NALF1: variants seen among roughly 807,000 people sequenced by gnomAD.
NALF1 encodes the protein family with sequence similarity 155 member A.
A neutral mutation model predicts 48.4 loss-of-function variants in NALF1; 3 were observed. The observed-to-expected ratio is 0.06, with a 90% CI of 0.03 to 0.16. NALF1 has a LOEUF of 0.16. Ranked by LOEUF, NALF1 falls within the 10% of genes least tolerant of loss-of-function variation. The pLI, the probability that NALF1 is intolerant of heterozygous loss-of-function variation, is 1.00. For synonymous variants in NALF1, 262 were observed against 245.7 expected, an observed-to-expected ratio of 1.07 and a Z score of -0.62; for missense variants, 526 against 571.5, an observed-to-expected ratio of 0.92 and a Z score of 0.81.
chr13:107,589,768 C>T (rs1470459239), intron 1 of NALF1, among the ~76,000 whole-genome samples: 1 of 151,840 alleles, frequency 6.6e-6, no homozygotes, highest in Non-Finnish European at 1.5e-5. Context: ...ATCTAGTAAA[C>T]TTGTATCTTC....
At chr13:107,580,396 A>G (rs1878271097) in intron 1 of NALF1, among the ~76,000 whole-genome samples, 1 of 152,096 alleles carries the variant, frequency 6.6e-6, no homozygotes, top group Admixed American at 6.5e-5. Context: ...TCATGCCTGG[A>G]AAGCTCTGCC....
intron 1 of NALF1, among the ~76,000 whole-genome samples, chr13:107,739,393 A>G (rs1257163567): frequency 6.7e-6 from 1 of 148,230 alleles, no homozygotes; most frequent in Non-Finnish European, 1.5e-5. Flanking sequence ...AAAATATTAC[A>G]TATTACATAT....
chr13:107,622,307 G>A (rs763674021), intron 1 of NALF1, among the ~76,000 whole-genome samples: 4 of 151,584 alleles, frequency 2.6e-5, no homozygotes, highest in Admixed American at 6.6e-5. Flanking sequence ...GCATAGTGGC[G>A]CATGTCTGTA....
intron 1 of NALF1, among the ~76,000 whole-genome samples, chr13:107,661,524 G>T (rs1880734581): frequency 6.6e-6 from 1 of 151,680 alleles, no homozygotes; most frequent in African/African-American, 2.4e-5. Context: ...TAGTAGCACA[G>T]GTAACTAAAT....
intron 1 of NALF1, among the ~76,000 whole-genome samples, chr13:107,839,823 T>TA (rs1465790255): frequency 6.6e-6 from 1 of 152,216 alleles, no homozygotes; most frequent in African/African-American, 2.4e-5. Context: ...GTATGGAACT[T>TA]AGACTACTCT....
rs9587444 is a variant in NALF1, at chr13:107,835,298, T to C, written c.915+30384A>G. ...TTAAAAAGCCTTACAATGTGTGTAC[T>C]GTCCTCCATATCTCCCCTTCCCCAA... On this transcript the variant is annotated intron_variant, in intron 1 of 2. Coordinates refer to ENST00000375915, the MANE Select transcript of NALF1 (RefSeq NM_001080396.3). The C allele has an allele frequency of 1.7e-3, 258 of 152,338 alleles. 1 individual carries two copies. Among genetic ancestry groups the C allele is most frequent in the African/African-American group, 5.8e-3 (243 of 41,582 alleles). The allele number at this position is 152,338 out of a possible 1,614,324, so 9.4% of individuals were successfully genotyped here. A position where few individuals can be genotyped will look rare whatever the true frequency, so the allele number is the denominator to read the frequency against.
At chr13:107,790,921 G>A (rs1002598500) in intron 1 of NALF1, among the ~76,000 whole-genome samples, 42 of 144,732 alleles carry the variant, frequency 2.9e-4, no homozygotes, top group Middle Eastern at 3.6e-3. Flanking sequence ...AGAGCTTACA[G>A]CACCATTAGG....
intron 1 of NALF1, among the ~76,000 whole-genome samples, chr13:107,479,167 C>T (rs1885216293): frequency 6.6e-6 from 1 of 152,116 alleles, no homozygotes; most frequent in Non-Finnish European, 1.5e-5. Context: ...ATGTTCTGAT[C>T]CCACTGTCCT....
At chr13:107,604,499 A>G (rs1879012287) in intron 1 of NALF1, among the ~76,000 whole-genome samples, 1 of 152,216 alleles carries the variant, frequency 6.6e-6, no homozygotes, top group Non-Finnish European at 1.5e-5. Flanking sequence ...TCTGAACAAA[A>G]CATTGCTGAT....
At chr13:107,589,640 AAGTT>A (rs1878550502) in intron 1 of NALF1, among the ~76,000 whole-genome samples, 1 of 152,090 alleles carries the variant, frequency 6.6e-6, no homozygotes, top group Non-Finnish European at 1.5e-5. Flanking sequence ...GTTTTCATAA[AAGTT>A]AACATAAATT....
At chr13:107,781,348 A>T (rs1877881297) in intron 1 of NALF1, among the ~76,000 whole-genome samples, 1 of 152,178 alleles carries the variant, frequency 6.6e-6, no homozygotes, top group Non-Finnish European at 1.5e-5. Context: ...CATAAACCTT[A>T]AGAGATTTAA....
At chr13:107,328,599 T>C (rs1021662537) in intron 1 of NALF1, among the ~76,000 whole-genome samples, 1 of 152,294 alleles carries the variant, frequency 6.6e-6, no homozygotes, top group Non-Finnish European at 1.5e-5. Flanking sequence ...TCTATTGAGA[T>C]ACAGTGTTTT....
intron 1 of NALF1, among the ~76,000 whole-genome samples, chr13:107,408,476 T>G (rs1883936915): frequency 6.6e-6 from 1 of 152,084 alleles, no homozygotes; most frequent in African/African-American, 2.4e-5. Context: ...TGTTTTGCCA[T>G]TAGAAGATAT....
At position 107,301,997 on chromosome 13, in the gene NALF1, A is replaced by G. The variant is rs147357192; in HGVS notation, c.916-91242T>C. The stretch of plus-strand genomic sequence containing the variant: ...ACTCATTCCCTAATGAGGCAGTATT[A>G]GAGGAGAAGCCTTTAAGAGGTAATT... On this transcript the variant is annotated intron_variant, in intron 1 of 2. Transcript: ENST00000375915. Among the ~76,000 whole-genome samples, 16 of 152,352 alleles carry G rather than the reference A, an allele frequency of 1.1e-4. No homozygotes were observed. In the East Asian group the frequency reaches 2.9e-3, roughly 28 times the overall value.
At chr13:107,708,423 A>G (rs1385487238) in intron 1 of NALF1, among the ~76,000 whole-genome samples, 1 of 152,200 alleles carries the variant, frequency 6.6e-6, no homozygotes, top group African/African-American at 2.4e-5. Flanking sequence ...AAGGTGCTAA[A>G]AGGAAGGGGA....
intron 1 of NALF1, among the ~76,000 whole-genome samples, chr13:107,425,980 C>T (rs1230460119): frequency 6.6e-6 from 1 of 152,048 alleles, no homozygotes; most frequent in Non-Finnish European, 1.5e-5. Context: ...TATTAGATAT[C>T]TCTGCACTAT....
chr13:107,223,383 A>G (rs1193856460), intron 1 of NALF1, among the ~76,000 whole-genome samples: 1 of 152,202 alleles, frequency 6.6e-6, no homozygotes, highest in Non-Finnish European at 1.5e-5. Context: ...TTTTGTGGAC[A>G]GCAGAAAAAG....
At chr13:107,341,960 G>C (rs1231553390) in intron 1 of NALF1, among the ~76,000 whole-genome samples, 2 of 151,910 alleles carry the variant, frequency 1.3e-5, no homozygotes, top group Non-Finnish European at 2.9e-5. Context: ...TAAATTCTCA[G>C]TAGGTGTTTG....
At chr13:107,732,108 C>G (rs765982843) in intron 1 of NALF1, among the ~76,000 whole-genome samples, 12 of 152,212 alleles carry the variant, frequency 7.9e-5, no homozygotes, top group Middle Eastern at 3.4e-3. Flanking sequence ...TCTCTATCAG[C>G]CCCCTGGGCA....
Sources: gnomAD v4.1 joint callset for allele counts (sites outside exome capture counted in the v4.1 genomes callset) on GRCh38, gnomAD v4.1.1 for gene constraint, MANE v1.5 for transcripts, NCBI Gene and HGNC (gene_info 2026-07-23, HGNC 2026-07-21) for gene names.